MAP4K5: variants seen among roughly 807,000 people sequenced by gnomAD.
MAP4K5 encodes MAPK/ERK kinase kinase kinase 5.
MAP4K5 carries 82 observed loss-of-function variants against 135.6 expected under a neutral mutation model. That is an observed-to-expected ratio of 0.60 (90% CI 0.51 to 0.73). MAP4K5 has a LOEUF of 0.73. Ranked by LOEUF, MAP4K5 falls within the 30% of genes least tolerant of loss-of-function variation. The pLI is 0.00. For synonymous variants in MAP4K5, 347 were observed against 335.0 expected, an observed-to-expected ratio of 1.04 and a Z score of -0.39; for missense variants, 907 against 1,010.9, an observed-to-expected ratio of 0.90 and a Z score of 1.39.
At chr14:50,459,225 A>C (rs2036657710) in intron 13 of MAP4K5, among the ~76,000 whole-genome samples, 1 of 152,146 alleles carries the variant, frequency 6.6e-6, no homozygotes, top group Admixed American at 6.6e-5. Context: ...TCAGTATAAA[A>C]CTTAACTCAT....
intron 14 of MAP4K5, among the ~76,000 whole-genome samples, chr14:50,453,597 A>C (rs2036538585): frequency 6.6e-6 from 1 of 152,170 alleles, no homozygotes; most frequent in Non-Finnish European, 1.5e-5. Flanking sequence ...TCACTGACAC[A>C]GAGAAACAGA....
At chr14:50,472,347 G>T (rs1484239348) in intron 9 of MAP4K5, 1 of 151,954 alleles carries the variant, frequency 6.6e-6, no homozygotes, top group East Asian at 1.9e-4. Context: ...AAGGAATGTG[G>T]GAAAACATTC....
intron 1 of MAP4K5, among the ~76,000 whole-genome samples, chr14:50,555,473 G>A (rs2140166390): frequency 6.6e-6 from 1 of 152,138 alleles, no homozygotes; most frequent in Admixed American, 6.5e-5. Flanking sequence ...TAGTAGAGAC[G>A]GGGTTTCACC....
intron 2 of MAP4K5, among the ~76,000 whole-genome samples, chr14:50,514,170 C>G (rs1425315225): frequency 6.6e-6 from 1 of 152,096 alleles, no homozygotes; most frequent in Non-Finnish European, 1.5e-5. Flanking sequence ...CTCCACCTCC[C>G]AGGCTCAAGC....
intron 2 of MAP4K5, among the ~76,000 whole-genome samples, chr14:50,527,108 A>C (rs552059165): frequency 9.8e-5 from 15 of 152,320 alleles, no homozygotes; most frequent in South Asian, 2.1e-4. Flanking sequence ...TGGGAGGCCA[A>C]GGTGGGCAGA....
rs1438892319 is a variant in MAP4K5, at chr14:50,445,081, A to C, written c.1299T>G (p.Ser433Arg). ...SRAPQILRRQ[S>R]SPSCGPVAET... is the part of the protein sequence containing the mutation. ...CTGCCACAGGCCCACAACTTGGGCT[A>C]CTCTGTCTTCTGAGAATTTGGGGAG... The change falls in exon 18 of 33, where the codon AGT becomes AGG. Residue 433 changes from serine (S) to arginine (R), a missense_variant. Physicochemically the swap from Ser to Arg is moderately radical, Grantham distance 110. This residue lies in a region of MAP4K5 where 690 missense variants were observed against 777.4 expected (regional missense o/e 0.89). Coordinates refer to ENST00000682126, the MANE Select transcript of MAP4K5 (RefSeq NM_006575.6). 2.5e-5 allele frequency: 41 copies of C among 1,613,538 alleles called. No homozygotes were observed. Among genetic ancestry groups the C allele is most frequent in the Non-Finnish European group, 3.5e-5 (41 of 1,179,712 alleles).
In MAP4K5 at chr14:50,532,113, C is replaced by A; in HGVS notation, c.-64G>T. On this transcript the variant is annotated 5_prime_UTR_variant, in exon 2 of 33. Transcript: ENST00000682126. The stretch of plus-strand genomic sequence containing the variant: ...GCTCCCGGATTCCCGCTAACAAGCA[C>A]GAACGGCGCCGCTTCCCAACATGGA... The A allele has an allele frequency of 1.0e-6, 1 of 998,048 alleles. No homozygotes were observed. Among genetic ancestry groups the A allele is most frequent in the Non-Finnish European group, 1.5e-6 (1 of 668,126 alleles). 61.8% of individuals were successfully genotyped at this position (998,048 alleles called of 1,614,324 possible). A position where few individuals can be genotyped will look rare whatever the true frequency, so the allele number is the denominator to read the frequency against.
rs147345317 is a variant in MAP4K5, at chr14:50,504,242, G to T, written c.166+558C>A. On this transcript the variant is annotated intron_variant, in intron 3 of 32. Transcript: ENST00000682126. ...CATACCACCAAATATTCGCTTACCTGGTCAAAAACTACTACTGCACTCATT... is the reference window on the plus strand; with the variant it reads ...CATACCACCAAATATTCGCTTACCTTGTCAAAAACTACTACTGCACTCATT... Among the ~76,000 whole-genome samples, 342 of 152,054 alleles carry T rather than the reference G, an allele frequency of 2.2e-3. 1 individual carries two copies. In the Middle Eastern group the frequency reaches 0.031, roughly 14 times the overall value.
chr14:50,476,446 A>G (rs2037101257), intron 6 of MAP4K5, 140 bp from the exon 7 acceptor site: 1 of 473,668 alleles, frequency 2.1e-6, no homozygotes, highest in Non-Finnish European at 3.7e-6. Context: ...TAAGTAAATC[A>G]ATGTTTACTA....
intron 2 of MAP4K5, among the ~76,000 whole-genome samples, chr14:50,516,462 C>T (rs1288982688): frequency 2.0e-5 from 3 of 152,090 alleles, no homozygotes; most frequent in East Asian, 3.9e-4. Context: ...CATTACTGAA[C>T]GCAGGCAGGT....
rs542818621 is a variant in MAP4K5 at position 50,476,089 on chromosome 14, A to C, written c.469+39T>G. ...TAAAAATTTTATTAAAATGTCATTA[A>C]ATTTTTGGAAAAAATTTTAGGAATT... On this transcript the variant is annotated intron_variant, in intron 8 of 32. Coordinates refer to ENST00000682126, the MANE Select transcript of MAP4K5 (RefSeq NM_006575.6). 1.9e-5 allele frequency: 23 copies of C among 1,235,262 alleles called. No individual in the cohort carries two copies. In the African/African-American group the frequency reaches 3.5e-4, roughly 19 times the overall value. The allele number at this position is 1,235,262 out of a possible 1,614,324, so 76.5% of individuals were successfully genotyped here.
chr14:50,555,391 C>T (rs991965342), intron 1 of MAP4K5, among the ~76,000 whole-genome samples: 14 of 152,336 alleles, frequency 9.2e-5, no homozygotes, highest in East Asian at 7.7e-4. Context: ...AAGCAATTCT[C>T]CTGCCTCAGC....
At chr14:50,467,843 T>C (rs2036866904) in intron 10 of MAP4K5, among the ~76,000 whole-genome samples, 1 of 152,150 alleles carries the variant, frequency 6.6e-6, no homozygotes, top group Non-Finnish European at 1.5e-5. Context: ...TATCTGGTAC[T>C]TGCTCATAAA....
chr14:50,433,327 T>C (rs1242569002), intron 28 of MAP4K5, among the ~76,000 whole-genome samples: 1 of 152,296 alleles, frequency 6.6e-6, no homozygotes, highest in East Asian at 1.9e-4. Flanking sequence ...AAGAGTATGT[T>C]TTATAGACCA....
At chr14:50,476,384 T>G in intron 6 of MAP4K5, 78 bp from the exon 7 acceptor site, 2 of 672,256 alleles carry the variant, frequency 3.0e-6, no homozygotes, top group Non-Finnish European at 4.7e-6. Context: ...ACTTAAATTC[T>G]TATTGAATAA....
At chr14:50,560,070 G>C in intron 1 of MAP4K5, 1 of 639,990 alleles carries the variant, frequency 1.6e-6, no homozygotes, top group Non-Finnish European at 2.8e-6. Context: ...GGCTTGTGAT[G>C]CTGAGCTTGG....
At chr14:50,556,559 G>T (rs2038767870) in intron 1 of MAP4K5, among the ~76,000 whole-genome samples, 1 of 152,120 alleles carries the variant, frequency 6.6e-6, no homozygotes, top group Non-Finnish European at 1.5e-5. Context: ...GTGCAAAGTT[G>T]ATTTCATGAT....
At chr14:50,483,130 T>C (rs1221352995) in intron 5 of MAP4K5, 1 of 152,172 alleles carries the variant, frequency 6.6e-6, no homozygotes, top group African/African-American at 2.4e-5. Context: ...CTATCCAATA[T>C]ATTAAAAGGC....
intron 1 of MAP4K5, among the ~76,000 whole-genome samples, chr14:50,550,499 A>G (rs1462349086): frequency 1.3e-5 from 2 of 152,144 alleles, no homozygotes; most frequent in Non-Finnish European, 2.9e-5. Flanking sequence ...TTGCAATGGT[A>G]TGCCTTGGGA....
Sources: gnomAD v4.1 joint callset for allele counts (sites outside exome capture counted in the v4.1 genomes callset) on GRCh38, gnomAD v4.1.1 for gene constraint, gnomAD v4.1.1 regional missense constraint, MANE v1.5 for transcripts, NCBI Gene and HGNC (gene_info 2026-07-23, HGNC 2026-07-21) for gene names.